The following CSTPP1 variants were observed in gnomAD, a reference collection of about 807,000 sequenced individuals.
CSTPP1 encodes centriolar satellite-associated tubulin polyglutamylase complex regulator 1, also known as UPF0705 protein C11orf49.
chr11:46,980,149 C>T, the CSTPP1 span, among the ~76,000 whole-genome samples: 1 of 152,166 alleles, frequency 6.6e-6, no homozygotes, highest in South Asian at 2.1e-4. Flanking sequence ...TGACCAGAGA[C>T]TGTTTTGAGT....
chr11:46,956,520 G>A, the CSTPP1 span, among the ~76,000 whole-genome samples: 1 of 152,136 alleles, frequency 6.6e-6, no homozygotes, highest in Non-Finnish European at 1.5e-5. Context: ...ATTTAGGGGA[G>A]ACAAGAACCC....
chr11:47,119,698 A>G, the CSTPP1 span, among the ~76,000 whole-genome samples: 1 of 123,346 alleles, frequency 8.1e-6, no homozygotes, highest in African/African-American at 3.2e-5. Flanking sequence ...CACAACCTCC[A>G]CCTCCCGGGT....
the CSTPP1 span, among the ~76,000 whole-genome samples, chr11:46,949,680 T>G: frequency 6.6e-6 from 1 of 151,790 alleles, no homozygotes; most frequent in African/African-American, 2.4e-5. Context: ...TTTTTTTTTT[T>G]TTTTTGAGAC....
the CSTPP1 span, among the ~76,000 whole-genome samples, chr11:47,034,194 C>A: frequency 6.6e-6 from 1 of 152,032 alleles, no homozygotes; most frequent in South Asian, 2.1e-4. Context: ...GTTGATGAAA[C>A]CCAGTCCAGA....
At chr11:46,945,636 T>A in the CSTPP1 span, among the ~76,000 whole-genome samples, 4 of 151,858 alleles carry the variant, frequency 2.6e-5, no homozygotes, top group Admixed American at 1.3e-4. Context: ...AATAAATAAA[T>A]AAAATAATTA....
At chr11:47,028,425 T>C in the CSTPP1 span, among the ~76,000 whole-genome samples, 2 of 152,160 alleles carry the variant, frequency 1.3e-5, no homozygotes, top group South Asian at 2.1e-4. Flanking sequence ...TTTTGAACAA[T>C]AGAATAATAG....
At chr11:47,006,877 C>T in the CSTPP1 span, among the ~76,000 whole-genome samples, 4 of 151,420 alleles carry the variant, frequency 2.6e-5, no homozygotes, top group Admixed American at 6.6e-5. Context: ...CAGACATGAG[C>T]CAACACGACT....
At chr11:47,044,282 T>C in the CSTPP1 span, among the ~76,000 whole-genome samples, 2 of 152,124 alleles carry the variant, frequency 1.3e-5, no homozygotes, top group Non-Finnish European at 2.9e-5. Context: ...CCACCGCTCC[T>C]GGACAGTTTA....
the CSTPP1 span, chr11:47,156,900 G>A: frequency 1.1e-6 from 1 of 935,248 alleles, no homozygotes; most frequent in Non-Finnish European, 1.6e-6. Context: ...AGGACACCAT[G>A]CCCTGAGCAC....
chr11:46,978,506 G>A, the CSTPP1 span, among the ~76,000 whole-genome samples: 1 of 152,242 alleles, frequency 6.6e-6, no homozygotes, highest in Non-Finnish European at 1.5e-5. Flanking sequence ...TAATTTAGAT[G>A]ATATGTTAAG....
the CSTPP1 span, among the ~76,000 whole-genome samples, chr11:47,125,716 G>A: frequency 6.6e-6 from 1 of 152,052 alleles, no homozygotes; most frequent in African/African-American, 2.4e-5. Context: ...ATTTTAAATT[G>A]CAAAGAAAAA....
chr11:47,043,507 G>T, the CSTPP1 span, among the ~76,000 whole-genome samples: 17 of 152,264 alleles, frequency 1.1e-4, no homozygotes, highest in Admixed American at 6.5e-4. Context: ...GGAGCCATAA[G>T]CCATCCAATA....
the CSTPP1 span, among the ~76,000 whole-genome samples, chr11:47,013,176 A>T: frequency 6.7e-6 from 1 of 148,370 alleles, no homozygotes; most frequent in East Asian, 1.9e-4. Context: ...TATTATATAT[A>T]ACATATATAA....
the CSTPP1 span, among the ~76,000 whole-genome samples, chr11:47,100,767 G>T: frequency 1.3e-5 from 2 of 152,300 alleles, no homozygotes; most frequent in South Asian, 4.1e-4. Context: ...TCCAGCATGG[G>T]CGACAGAGGG....
the CSTPP1 span, among the ~76,000 whole-genome samples, chr11:47,119,267 C>T: frequency 6.6e-5 from 10 of 152,372 alleles, no homozygotes; most frequent in African/African-American, 2.4e-4. Flanking sequence ...CCAAGCTTGG[C>T]ACAGGAGAGA....
the CSTPP1 span, among the ~76,000 whole-genome samples, chr11:47,086,340 C>T: frequency 1.2e-4 from 18 of 151,058 alleles, no homozygotes; most frequent in East Asian, 5.8e-4. Context: ...CGGGAGGCAG[C>T]GGTTACAGAG....
At chr11:47,137,839 G>A in the CSTPP1 span, 1 of 1,062,422 alleles carries the variant, frequency 9.4e-7, no homozygotes, top group Non-Finnish European at 1.4e-6. Context: ...GGAAGAAACT[G>A]GCAGTGGGAG....
chr11:47,031,430 G>A, the CSTPP1 span, among the ~76,000 whole-genome samples: 18 of 152,162 alleles, frequency 1.2e-4, no homozygotes, highest in African/African-American at 3.9e-4. Flanking sequence ...GGTGGCTCAC[G>A]TCTGTAATCC....
At chr11:47,091,033 C>T in the CSTPP1 span, among the ~76,000 whole-genome samples, 18 of 108,490 alleles carry the variant, frequency 1.7e-4, no homozygotes, top group South Asian at 1.3e-3. Context: ...AGCGAGACAG[C>T]GAGACTCCAT....
Sources: gnomAD v4.1 joint callset for allele counts (sites outside exome capture counted in the v4.1 genomes callset) on GRCh38, gnomAD v4.1.1 for gene constraint, MANE v1.5 for transcripts, NCBI Gene and HGNC (gene_info 2026-07-23, HGNC 2026-07-21) for gene names.